Variants in RBFOX3 observed in about 807,000 individuals in gnomAD.
The protein encoded by RBFOX3 is RNA binding protein fox-1 homolog 3.
In RBFOX3, 17 loss-of-function variants were observed where a neutral mutation model predicts 48.7. That is an observed-to-expected ratio of 0.35 (90% CI 0.24 to 0.52). The LOEUF (loss-of-function observed/expected upper bound fraction) is 0.52, where lower values mean the gene tolerates loss of function less well. Ranked by LOEUF, RBFOX3 falls within the 20% of genes least tolerant of loss-of-function variation. The pLI is 0.94. For synonymous variants in RBFOX3, 212 were observed against 209.5 expected (o/e 1.01, Z -0.10); for missense variants, 382 against 497.5 (o/e 0.77, Z 2.21).
chr17:79,503,535 G>A (rs1369756686), intron 1 of RBFOX3, among the ~76,000 whole-genome samples: 3 of 152,194 alleles, frequency 2.0e-5, no homozygotes, highest in Admixed American at 6.5e-5. Context: ...TGCCTCGCAC[G>A]TGGTCTTTGG....
chr17:79,106,014 C>T (rs537561266), intron 6 of RBFOX3, among the ~76,000 whole-genome samples: 4 of 152,352 alleles, frequency 2.6e-5, no homozygotes, highest in Admixed American at 6.5e-5. Context: ...CACGTTCTCA[C>T]GGTGACCCCA....
intron 2 of RBFOX3, among the ~76,000 whole-genome samples, chr17:79,463,276 C>G (rs370000514): frequency 9.9e-6 from 1 of 101,096 alleles, no homozygotes; most frequent in East Asian, 2.9e-4. Flanking sequence ...CCACTGCCAC[C>G]TCCACCACCA....
chr17:79,397,109 C>T (rs968754431), intron 2 of RBFOX3, among the ~76,000 whole-genome samples: 3 of 152,186 alleles, frequency 2.0e-5, no homozygotes, highest in Admixed American at 6.5e-5. Context: ...TTCCAGGAGA[C>T]GCCTCCCCAC....
chr17:79,517,894 C>T lies in RBFOX3; in HGVS notation c.-319-35296G>A, dbSNP rs1263505713. ...ACACCAAAGCTCCCGGCAGATCCCT[C>T]ACCTTCTTGAAAGCAGCTAGCCCGA... is the stretch of plus-strand genomic sequence containing the variant. On this transcript the variant is annotated intron_variant, in intron 1 of 14. Transcript: ENST00000693108. Among the ~76,000 whole-genome samples, 8 of 152,320 alleles carry T rather than the reference C, an allele frequency of 5.3e-5. No individual in the cohort carries two copies. In the East Asian group the frequency reaches 1.5e-3, roughly 29 times the overall value.
Position 79,475,667 on chromosome 17 carries a change from T to C in RBFOX3, c.-175+6787A>G, listed in dbSNP as rs1428995646. ...GAACACACAGGTGCACACACATGCA[T>C]GCGTGCACACATGTACACACACAAA... On this transcript the variant is annotated intron_variant, in intron 2 of 14. Coordinates refer to ENST00000693108, the MANE Select transcript of RBFOX3 (RefSeq NM_001350451.2). Among the ~76,000 whole-genome samples, 3 of 152,270 alleles carry C rather than the reference T, an allele frequency of 2.0e-5. No individual in the cohort carries two copies. The East Asian group carries it at 5.8e-4, about 29-fold the overall frequency.
chr17:79,432,445 T>C (rs1555728931), intron 2 of RBFOX3, among the ~76,000 whole-genome samples: 1 of 152,174 alleles, frequency 6.6e-6, no homozygotes, highest in Non-Finnish European at 1.5e-5. Context: ...CCCACATCAG[T>C]CACCTGGGTT....
Position 79,242,477 on chromosome 17 carries a change from C to A in RBFOX3, c.-73-6672G>T, listed in dbSNP as rs2062531789. 1.3e-5 allele frequency among the ~76,000 whole-genome samples: 2 copies of A among 151,918 alleles called. No individual in the cohort carries two copies. Among genetic ancestry groups the A allele is most frequent in the South Asian group, 4.2e-4 (2 of 4,814 alleles). On this transcript the variant is annotated intron_variant, in intron 3 of 14. Coordinates refer to ENST00000693108, the MANE Select transcript of RBFOX3 (RefSeq NM_001350451.2). The surrounding 1 kb of genome is among the most constrained non-coding windows in gnomAD (Gnocchi z 5.8). The stretch of plus-strand genomic sequence containing the variant: ...GATGACGGTGATCAGAGCAGGAGAG[C>A]CACATCTATTTAATGTGATGTTTTC...
At chr17:79,115,019 G>C (rs2146978284) in intron 5 of RBFOX3, among the ~76,000 whole-genome samples, 1 of 152,366 alleles carries the variant, frequency 6.6e-6, no homozygotes, top group African/African-American at 2.4e-5. Flanking sequence ...TAGATTACAA[G>C]TGATTAGAAA....
chr17:79,635,676 G>A, the RBFOX3 span, among the ~76,000 whole-genome samples: 3 of 152,170 alleles, frequency 2.0e-5, no homozygotes, highest in African/African-American at 4.8e-5. Flanking sequence ...CACAGTGGGG[G>A]AGAGATTTAT....
At chr17:79,541,787 G>A (rs1407886817) in intron 1 of RBFOX3, among the ~76,000 whole-genome samples, 1 of 152,184 alleles carries the variant, frequency 6.6e-6, no homozygotes, top group African/African-American at 2.4e-5. Context: ...GTGCTGATCA[G>A]TAACCTTTCT....
chr17:79,653,814 G>A, the RBFOX3 span, among the ~76,000 whole-genome samples: 2 of 149,218 alleles, frequency 1.3e-5, no homozygotes, highest in Admixed American at 6.7e-5. Flanking sequence ...AGGCTGAGGT[G>A]GAAGTCTTGC....
rs190734529 is a variant in RBFOX3, at chr17:79,268,736, C to T, written c.-73-32931G>A. On this transcript the variant is annotated intron_variant, in intron 3 of 14. Coordinates refer to ENST00000693108, the MANE Select transcript of RBFOX3 (RefSeq NM_001350451.2). ...TCCCTGACTTCCCACACCTTCACTC[C>T]GCTCCCCATCTGTCCCTCTCCAGTA... 1.7e-3 allele frequency among the ~76,000 whole-genome samples: 265 copies of T among 152,238 alleles called. 1 individual carries two copies. In the South Asian group the frequency reaches 0.021, roughly 12 times the overall value.
rs114754577 is a variant in RBFOX3 at position 79,458,885 on chromosome 17, G to A, written c.-175+23569C>T. 1.7e-3 allele frequency among the ~76,000 whole-genome samples: 256 copies of A among 152,322 alleles called. 1 individual carries two copies. The highest frequency in any genetic ancestry group is 5.6e-3 in the African/African-American group (232 of 41,576). Reference sequence around the variant, plus strand: ...ACACTCCCCTCCATCTCTGGTTCCCGGGTACTGTTCCCTCTCTCTGTCCCT... The same window carrying A: ...ACACTCCCCTCCATCTCTGGTTCCCAGGTACTGTTCCCTCTCTCTGTCCCT... On this transcript the variant is annotated intron_variant, in intron 2 of 14. Transcript: ENST00000693108.
At chr17:79,271,503 C>CTTCTCCCCGGGCAGGGCT (rs1424384129) in intron 3 of RBFOX3, among the ~76,000 whole-genome samples, 1 of 152,206 alleles carries the variant, frequency 6.6e-6, no homozygotes, top group South Asian at 2.1e-4. Flanking sequence ...TTGCGCTGTC[C>CTTCTCCCCGGGCAGGGCT]TTCTCCCCGG....
chr17:79,548,557 G>A (rs1336221840), intron 1 of RBFOX3, among the ~76,000 whole-genome samples: 4 of 152,232 alleles, frequency 2.6e-5, no homozygotes, highest in African/African-American at 9.6e-5. Context: ...TGTCTCAGGA[G>A]GTCCGAGAAG....
In RBFOX3 at chr17:79,195,696, T is replaced by G. The variant is rs1209086951; in HGVS notation, c.-34+40070A>C. ...GGGGTGGCGGGGGTGGCTTTCCTTCTGTGCTCCCTCCCCTACGACCGGACA... is the reference window on the plus strand; with the variant it reads ...GGGGTGGCGGGGGTGGCTTTCCTTCGGTGCTCCCTCCCCTACGACCGGACA... On this transcript the variant is annotated intron_variant, in intron 4 of 14. Transcript: ENST00000693108. This position sits in a 1 kb window ranked among gnomAD's most constrained non-coding sequence, Gnocchi z 5.3. Among the ~76,000 whole-genome samples, 1 of 152,208 alleles carries G rather than the reference T, an allele frequency of 6.6e-6. No individual in the cohort carries two copies. The highest frequency in any genetic ancestry group is 1.9e-4 in the East Asian group (1 of 5,194).
chr17:79,200,138 G>A (rs996075974), intron 4 of RBFOX3, among the ~76,000 whole-genome samples: 2 of 137,974 alleles, frequency 1.4e-5, no homozygotes, highest in African/African-American at 5.1e-5. Flanking sequence ...ACTTCAGCCT[G>A]GGTGACAGAG....
intron 2 of RBFOX3, among the ~76,000 whole-genome samples, chr17:79,371,100 T>C (rs929571527): frequency 6.6e-6 from 1 of 152,218 alleles, no homozygotes; most frequent in African/African-American, 2.4e-5. Flanking sequence ...CCTCCTCCTG[T>C]CTGGGTGTCC....
chr17:79,295,567 C>T (rs1221998489), intron 3 of RBFOX3, among the ~76,000 whole-genome samples: 2 of 152,270 alleles, frequency 1.3e-5, no homozygotes, highest in East Asian at 3.9e-4. Context: ...GGTCTGAGTG[C>T]GGGCAAAGTC....
Sources: gnomAD v4.1 joint callset for allele counts (sites outside exome capture counted in the v4.1 genomes callset) on GRCh38, gnomAD v4.1.1 for gene constraint, Gnocchi (gnomAD v3.1) non-coding constraint, MANE v1.5 for transcripts, NCBI Gene and HGNC (gene_info 2026-07-23, HGNC 2026-07-21) for gene names.